MCC: variants seen among roughly 807,000 people sequenced by gnomAD.
MCC encodes MCC regulator of Wnt signaling pathway.
A neutral mutation model predicts 116.2 loss-of-function variants in MCC; 90 were observed. The ratio of observed to expected loss-of-function variants is 0.77; its 90% CI spans 0.65 to 0.92. The LOEUF is 0.92. MCC is among the 40% of genes least tolerant of loss of function. The probability of loss-of-function intolerance (pLI) is 0.00; values close to 1 mark genes in which losing one functional copy is unlikely to be tolerated. For synonymous variants in MCC, 578 were observed against 510.5 expected (o/e 1.13, Z -1.78); for missense variants, 1,516 against 1,312.2 (o/e 1.16, Z -2.40).
chr5:113,100,717 T>G (rs1442594069), intron 8 of MCC, among the ~76,000 whole-genome samples: 1 of 152,140 alleles, frequency 6.6e-6, no homozygotes, highest in African/African-American at 2.4e-5. Flanking sequence ...GTGATCTGCC[T>G]GCCTCGGCCT....
At chr5:113,299,915 A>C (rs1766818655) in intron 3 of MCC, among the ~76,000 whole-genome samples, 1 of 152,208 alleles carries the variant, frequency 6.6e-6, no homozygotes. Flanking sequence ...TCTAAAGCCC[A>C]GTCTCTTCTC....
At chr5:113,294,200 A>G (rs932988691) in intron 3 of MCC, 15 of 1,146,176 alleles carry the variant, frequency 1.3e-5, no homozygotes, top group South Asian at 4.8e-5. Flanking sequence ...CTAATCTTCA[A>G]TTGCGCTGCC....
In MCC at chr5:113,154,242, T is replaced by C. The variant is rs576091273; in HGVS notation, c.628-2820A>G. On this transcript the variant is annotated intron_variant, in intron 3 of 18. Coordinates refer to ENST00000408903, the MANE Select transcript of MCC (RefSeq NM_001085377.2). The stretch of plus-strand genomic sequence containing the variant: ...ATAGCATAAATATTGTACAGGGTTA[T>C]TTTGCTTCCTTGCTGCAGTCTGTCC... Among the ~76,000 whole-genome samples, 3 of 152,364 alleles carry C rather than the reference T, an allele frequency of 2.0e-5. 1 individual carries two copies. Among genetic ancestry groups the C allele is most frequent in the African/African-American group, 7.2e-5 (3 of 41,590 alleles).
At chr5:113,445,356 C>T (rs865960554) in intron 1 of MCC, among the ~76,000 whole-genome samples, 2 of 152,108 alleles carry the variant, frequency 1.3e-5, no homozygotes, top group African/African-American at 4.8e-5. Context: ...AAAGACTCCA[C>T]CAGAAGGCTC....
chr5:113,401,772 TATA>T (rs767711820), intron 1 of MCC, among the ~76,000 whole-genome samples: 1 of 102,588 alleles, frequency 9.7e-6, no homozygotes, highest in Non-Finnish European at 1.9e-5. Flanking sequence ...TTCTTATTTA[TATA>T]TATATATATA....
intron 1 of MCC, among the ~76,000 whole-genome samples, chr5:113,425,355 A>G (rs894268458): frequency 1.3e-5 from 2 of 152,234 alleles, no homozygotes; most frequent in African/African-American, 2.4e-5. Flanking sequence ...TAGCTGTCAC[A>G]TATGCTTCTC....
In MCC at chr5:113,023,811, T is replaced by G. The variant is rs568202171; in HGVS notation, c.*3491A>C. On this transcript the variant is annotated 3_prime_UTR_variant, in exon 19 of 19. Transcript: ENST00000408903. Reference sequence around the variant, plus strand: ...CGAAACTCTTGAGAGCTATTAAGGTTGACTGATAGACTTAAAAAGTGATTG... The same window carrying G: ...CGAAACTCTTGAGAGCTATTAAGGTGGACTGATAGACTTAAAAAGTGATTG... The G allele has an allele frequency of 2.0e-5, 3 of 152,328 alleles. No individual in the cohort carries two copies. Among genetic ancestry groups the G allele is most frequent in the African/African-American group, 7.2e-5 (3 of 41,570 alleles). 9.4% of individuals were successfully genotyped at this position (152,328 alleles called of 1,614,324 possible).
chr5:113,471,251 C>G (rs986526106), intron 1 of MCC, among the ~76,000 whole-genome samples: 1 of 152,200 alleles, frequency 6.6e-6, no homozygotes, highest in South Asian at 2.1e-4. Flanking sequence ...GAGAGGCACT[C>G]TGATTTTTAG....
At chr5:113,483,394 T>C (rs1772429275) in intron 1 of MCC, among the ~76,000 whole-genome samples, 1 of 152,186 alleles carries the variant, frequency 6.6e-6, no homozygotes, top group Non-Finnish European at 1.5e-5. Context: ...TTCCTGTCCA[T>C]GTACATGTGA....
At chr5:113,385,839 G>T (rs568678429) in intron 1 of MCC, among the ~76,000 whole-genome samples, 1 of 152,162 alleles carries the variant, frequency 6.6e-6, no homozygotes, top group African/African-American at 2.4e-5. Context: ...AAATCTCAAT[G>T]TCTTCCAGGA....
chr5:113,172,279 C>G (rs895353725), intron 3 of MCC, among the ~76,000 whole-genome samples: 2 of 152,150 alleles, frequency 1.3e-5, no homozygotes, highest in African/African-American at 4.8e-5. Context: ...AAAAAAGGGT[C>G]TCAGGCATCA....
chr5:113,419,612 G>T (rs1351854695), intron 1 of MCC, among the ~76,000 whole-genome samples: 2 of 151,742 alleles, frequency 1.3e-5, no homozygotes, highest in Non-Finnish European at 2.9e-5. Context: ...CAAAGACTTG[G>T]AACCAACCCA....
intron 1 of MCC, among the ~76,000 whole-genome samples, chr5:113,470,172 C>T (rs1461234127): frequency 2.0e-5 from 3 of 151,366 alleles, no homozygotes; most frequent in South Asian, 4.2e-4. Context: ...GAGCATTTAG[C>T]CCATTTACAT....
chr5:113,149,885 C>T lies in MCC; in HGVS notation c.741+1424G>A, dbSNP rs545355972. On this transcript the variant is annotated intron_variant, in intron 4 of 18. Coordinates refer to ENST00000408903, the MANE Select transcript of MCC (RefSeq NM_001085377.2). ...TCAGAGGAAAACAAGGCTGATGTAT[C>T]TGAGAACTGGAAAACCCCTAAAAAA... is the stretch of plus-strand genomic sequence containing the variant. Among the ~76,000 whole-genome samples the T allele has an allele frequency of 5.3e-5, 8 of 152,258 alleles. No individual in the cohort carries two copies. In the East Asian group the frequency reaches 1.4e-3, roughly 26 times the overall value.
chr5:113,079,176 A>G (rs974885655), intron 11 of MCC, among the ~76,000 whole-genome samples: 2 of 152,264 alleles, frequency 1.3e-5, no homozygotes, highest in African/African-American at 4.8e-5. Flanking sequence ...CAAATGGAAG[A>G]ACATTCCATG....
In MCC at chr5:113,086,963, C is replaced by T. The variant is rs570536064; in HGVS notation, c.1399-1653G>A. ...AGTAAGCTCGCAAAAGATGCTGATG[C>T]TGCCGGTCGGGGACCATACCTTGAA... On this transcript the variant is annotated intron_variant, in intron 8 of 18. Coordinates refer to ENST00000408903, the MANE Select transcript of MCC (RefSeq NM_001085377.2). Among the ~76,000 whole-genome samples, 5 of 152,320 alleles carry T rather than the reference C, an allele frequency of 3.3e-5. No individual in the cohort carries two copies. In the East Asian group the frequency reaches 9.6e-4, roughly 29 times the overall value.
chr5:113,336,242 T>C (rs959286264), intron 3 of MCC, among the ~76,000 whole-genome samples: 1 of 151,644 alleles, frequency 6.6e-6, no homozygotes, highest in Non-Finnish European at 1.5e-5. Context: ...GCAAAAAAAT[T>C]TCCATATGAA....
intron 3 of MCC, among the ~76,000 whole-genome samples, chr5:113,179,603 T>G (rs1269847346): frequency 6.6e-6 from 1 of 152,214 alleles, no homozygotes; most frequent in African/African-American, 2.4e-5. Context: ...TTCTATTGAT[T>G]TCTTTTAAAA....
chr5:113,032,719 C>G (rs1580880747), intron 17 of MCC, among the ~76,000 whole-genome samples: 1 of 152,270 alleles, frequency 6.6e-6, no homozygotes, highest in Admixed American at 6.5e-5. Flanking sequence ...TTAAGGCATT[C>G]TAAGTCACAG....
Sources: gnomAD v4.1 joint callset for allele counts (sites outside exome capture counted in the v4.1 genomes callset) on GRCh38, gnomAD v4.1.1 for gene constraint, MANE v1.5 for transcripts, NCBI Gene and HGNC (gene_info 2026-07-23, HGNC 2026-07-21) for gene names.